Variants in TNRC6A observed in about 807,000 individuals in gnomAD.
TNRC6A encodes trinucleotide repeat-containing gene 6A protein.
In TNRC6A, 44 loss-of-function variants were observed where a neutral mutation model predicts 221.2. The ratio of observed to expected loss-of-function variants is 0.20; its 90% CI spans 0.16 to 0.26. The LOEUF is 0.26. Among genes scored for constraint, TNRC6A ranks in the 10% least tolerant of loss-of-function variants. The probability of loss-of-function intolerance (pLI) is 1.00; values close to 1 mark genes in which losing one functional copy is unlikely to be tolerated. For synonymous variants in TNRC6A, 847 were observed against 838.5 expected (o/e 1.01, Z -0.18); for missense variants, 2,199 against 2,404.4 (o/e 0.91, Z 1.79).
chr16:24,786,311 TG>T (rs753602963), intron 5 of TNRC6A, among the ~76,000 whole-genome samples: 1 of 139,098 alleles, frequency 7.2e-6, no homozygotes, highest in Non-Finnish European at 1.6e-5. Context: ...TTGTTGTTGT[TG>T]TTGTTTTGTT....
intron 1 of TNRC6A, among the ~76,000 whole-genome samples, chr16:24,625,248 C>T (rs1274551704): frequency 1.3e-5 from 2 of 152,180 alleles, no homozygotes; most frequent in Non-Finnish European, 2.9e-5. Context: ...TGTTGGCAGG[C>T]ATTGACTCTT....
chr16:24,642,795 GGC>G (rs1902021404), intron 2 of TNRC6A, among the ~76,000 whole-genome samples: 1 of 151,990 alleles, frequency 6.6e-6, no homozygotes, highest in Non-Finnish European at 1.5e-5. Flanking sequence ...ACTACAGCCG[GGC>G]GACACAGTGA....
intron 4 of TNRC6A, among the ~76,000 whole-genome samples, chr16:24,764,025 A>G (rs1022633742): frequency 2.0e-5 from 3 of 152,186 alleles, no homozygotes; most frequent in Non-Finnish European, 4.4e-5. Context: ...AGTATACAAT[A>G]CAATATTATT....
At chr16:24,754,854 T>C (rs1480638786) in intron 3 of TNRC6A, among the ~76,000 whole-genome samples, 1 of 152,238 alleles carries the variant, frequency 6.6e-6, no homozygotes, top group African/African-American at 2.4e-5. Context: ...GGCTTTTTGC[T>C]GTTACTGTGT....
intron 2 of TNRC6A, among the ~76,000 whole-genome samples, chr16:24,708,520 C>T (rs566638997): frequency 6.6e-6 from 1 of 152,190 alleles, no homozygotes; most frequent in South Asian, 2.1e-4. Context: ...GGATTATAAG[C>T]GTGAGCCACC....
intron 2 of TNRC6A, among the ~76,000 whole-genome samples, chr16:24,650,838 C>T (rs1902602257): frequency 6.6e-6 from 1 of 152,024 alleles, no homozygotes; most frequent in Non-Finnish European, 1.5e-5. Flanking sequence ...TATAATCCTA[C>T]CAAAGCAAAA....
rs566157688 is a variant in TNRC6A at position 24,806,394 on chromosome 16, T to C, written c.4329+111T>C. On this transcript the variant is annotated intron_variant, in intron 16 of 24. Coordinates refer to ENST00000395799, the MANE Select transcript of TNRC6A (RefSeq NM_014494.4). ...CTTTCTTAAAACAATCTTACTAAGATGTAATGCAGTATGTTTTTCATTAAG... is the reference window on the plus strand; with the variant it reads ...CTTTCTTAAAACAATCTTACTAAGACGTAATGCAGTATGTTTTTCATTAAG... 4.2e-6 allele frequency: 6 copies of C among 1,419,806 alleles called. No individual in the cohort carries two copies. The East Asian group carries it at 1.4e-4, about 34-fold the overall frequency. 88.0% of individuals were successfully genotyped at this position (1,419,806 alleles called of 1,614,324 possible). A position where few individuals can be genotyped will look rare whatever the true frequency, so the allele number is the denominator to read the frequency against.
At chr16:24,768,714 T>C (rs938942579) in intron 4 of TNRC6A, among the ~76,000 whole-genome samples, 1 of 152,250 alleles carries the variant, frequency 6.6e-6, no homozygotes, top group African/African-American at 2.4e-5. Context: ...AGAGGTCAAC[T>C]TAGCACTCCA....
At chr16:24,719,025 A>G (rs1298729961) in intron 2 of TNRC6A, among the ~76,000 whole-genome samples, 2 of 149,560 alleles carry the variant, frequency 1.3e-5, no homozygotes, top group East Asian at 4.0e-4. Flanking sequence ...TGACAGAGCA[A>G]GACTCTGTCT....
At chr16:24,613,824 C>T (rs982709791) in intron 1 of TNRC6A, among the ~76,000 whole-genome samples, 1 of 152,164 alleles carries the variant, frequency 6.6e-6, no homozygotes, top group Non-Finnish European at 1.5e-5. Context: ...GCATGAACTA[C>T]TGTGCCCAGC....
chr16:24,648,474 G>T (rs772327743), intron 2 of TNRC6A, among the ~76,000 whole-genome samples: 86 of 151,920 alleles, frequency 5.7e-4, no homozygotes, highest in East Asian at 3.9e-4. Flanking sequence ...GTTTCACCGT[G>T]TTAGCCAGGA....
At chr16:24,804,554 A>G in intron 12 of TNRC6A, 151 bp from the exon 13 acceptor site, 7 of 1,271,554 alleles carry the variant, frequency 5.5e-6, no homozygotes, top group Non-Finnish European at 7.5e-6. Context: ...TGTGTGCTCT[A>G]GAATTAACAC....
intron 18 of TNRC6A, among the ~76,000 whole-genome samples, chr16:24,814,518 C>T (rs1596814011): frequency 2.0e-5 from 3 of 148,690 alleles, no homozygotes; most frequent in Admixed American, 6.8e-5. Flanking sequence ...AAGCGATTCT[C>T]CTGCTTCAGC....
intron 2 of TNRC6A, among the ~76,000 whole-genome samples, chr16:24,745,344 G>A (rs894866497): frequency 5.3e-5 from 8 of 152,094 alleles, no homozygotes; most frequent in Non-Finnish European, 1.2e-4. Flanking sequence ...ACAGGTTTTG[G>A]TGATTAATTT....
chr16:24,669,798 A>G (rs1268355679), intron 2 of TNRC6A, among the ~76,000 whole-genome samples: 1 of 151,910 alleles, frequency 6.6e-6, no homozygotes, highest in African/African-American at 2.4e-5. Flanking sequence ...AGTAATAGTA[A>G]TAGTAGCACC....
At chr16:24,770,903 A>T in intron 4 of TNRC6A, among the ~76,000 whole-genome samples, 1 of 152,238 alleles carries the variant, frequency 6.6e-6, no homozygotes, top group Non-Finnish European at 1.5e-5. Context: ...CATGAGATCC[A>T]TGAGGTCAAA....
rs1657264582 is a variant in TNRC6A at position 24,737,611 on chromosome 16, A to G, written c.53+7311A>G. The stretch of plus-strand genomic sequence containing the variant: ...GATTGAAACCTGGTTGAAGAATTTT[A>G]TACTTTGAACCTTACAAGATATTTT... On this transcript the variant is annotated intron_variant, in intron 2 of 24. Transcript: ENST00000395799. Among the ~76,000 whole-genome samples the G allele has an allele frequency of 2.0e-5, 3 of 152,232 alleles. No homozygotes were observed. The South Asian group carries it at 6.2e-4, about 32-fold the overall frequency.
upstream of TNRC6A, among the ~76,000 whole-genome samples, chr16:24,729,393 G>A (rs2056553355): frequency 1.3e-5 from 2 of 149,798 alleles, no homozygotes; most frequent in East Asian, 4.0e-4. Context: ...GGAGGAGGAG[G>A]GGAGGGACTC....
intron 2 of TNRC6A, among the ~76,000 whole-genome samples, chr16:24,698,784 C>A (rs1311091724): frequency 6.6e-6 from 1 of 152,090 alleles, no homozygotes; most frequent in Non-Finnish European, 1.5e-5. Flanking sequence ...GATCTCAGCT[C>A]ACTGCAACCT....
Sources: gnomAD v4.1 joint callset for allele counts (sites outside exome capture counted in the v4.1 genomes callset) on GRCh38, gnomAD v4.1.1 for gene constraint, MANE v1.5 for transcripts, NCBI Gene and HGNC (gene_info 2026-07-23, HGNC 2026-07-21) for gene names.